The following SSBP4 variants were observed in gnomAD, a reference collection of about 807,000 sequenced individuals.
SSBP4 encodes single stranded DNA binding protein 4, also known as single-stranded DNA-binding protein 4.
Under a neutral mutation model 64.6 loss-of-function variants are expected in SSBP4, and 33 were observed. The observed-to-expected ratio is 0.51, with a 90% confidence interval of 0.39 to 0.68. The LOEUF (loss-of-function observed/expected upper bound fraction) is 0.68, where lower values mean the gene tolerates loss of function less well. Among genes scored for constraint, SSBP4 ranks in the 30% least tolerant of loss-of-function variants. The pLI, the probability that SSBP4 is intolerant of heterozygous loss-of-function variation, is 0.00. For missense variants in SSBP4, 583 were observed against 566.8 expected, an observed-to-expected ratio of 1.03 and a Z score of -0.29; for synonymous variants, 243 against 224.0, an observed-to-expected ratio of 1.08 and a Z score of -0.76.
At chr19:18,419,789 T>G in intron 1 of SSBP4, 82 bp downstream of exon 1, 1 of 998,672 alleles carries the variant, frequency 1.0e-6, no homozygotes, top group East Asian at 6.1e-5. Context: ...GCGGGGCACG[T>G]GGGCGCGGGC....
chr19:18,433,796 GC>G lies in SSBP4; in HGVS notation c.1108del (p.His370ThrfsTer12). Reference protein sequence around the residue: ...GEMAAAGTFLHPFPSESYSPG... With the variant: ...GEMAAAGTFLXPFPSESYSPG... ...AGATGGCGGCCGCCGGGACCTTCCT[GC>G]ACCCGTTCCCGAGCGAAAGCGTAAG... On this transcript the variant is annotated frameshift_variant, in exon 17 of 18. Coordinates refer to ENST00000270061, the MANE Select transcript of SSBP4 (RefSeq NM_032627.5). LOFTEE classifies it high-confidence loss of function. The G allele has an allele frequency of 2.1e-6, 3 of 1,425,348 alleles. No homozygotes were observed. The highest frequency in any genetic ancestry group is 2.7e-5 in the Admixed American group (1 of 36,774). The allele number at this position is 1,425,348 out of a possible 1,614,324, so 88.3% of individuals were successfully genotyped here. A position where few individuals can be genotyped will look rare whatever the true frequency, so the allele number is the denominator to read the frequency against.
At chr19:18,431,020 AG>A in intron 5 of SSBP4, 90 bp downstream of exon 5, 1 of 1,444,398 alleles carries the variant, frequency 6.9e-7, no homozygotes, top group South Asian at 1.2e-5. Flanking sequence ...AGAGGTCATG[AG>A]GCCGGCAGGC....
intron 4 of SSBP4, 117 bp from the exon 5 acceptor site, chr19:18,430,724 C>A: frequency 2.4e-6 from 2 of 844,882 alleles, no homozygotes; most frequent in Non-Finnish European, 3.6e-6. Flanking sequence ...TGCTCACTGA[C>A]CAATGCCAGC....
intron 1 of SSBP4, among the ~76,000 whole-genome samples, chr19:18,422,236 T>C (rs1164436392): frequency 6.6e-6 from 1 of 152,136 alleles, no homozygotes; most frequent in Non-Finnish European, 1.5e-5. Flanking sequence ...AGAGATTTCA[T>C]AGGTTTGAGC....
At chr19:18,413,180 G>GTGTTTTTT in the SSBP4 span, among the ~76,000 whole-genome samples, 1 of 144,106 alleles carries the variant, frequency 6.9e-6, no homozygotes. Context: ...CGGAGTTTTG[G>GTGTTTTTT]TCTTATTGTG....
chr19:18,433,107 G>A, intron 14 of SSBP4, 28 bp from the exon 15 acceptor site: 1 of 1,612,648 alleles, frequency 6.2e-7, no homozygotes, highest in East Asian at 2.2e-5. Context: ...TGGGTGGCCC[G>A]AGTCCCACGC....
chr19:18,409,371 A>G, the SSBP4 span, among the ~76,000 whole-genome samples: 1 of 152,036 alleles, frequency 6.6e-6, no homozygotes, highest in Non-Finnish European at 1.5e-5. Flanking sequence ...TGATTTTGGT[A>G]CAGATACGGC....
the SSBP4 span, among the ~76,000 whole-genome samples, chr19:18,410,025 G>A: frequency 1.3e-5 from 2 of 152,148 alleles, no homozygotes; most frequent in South Asian, 2.1e-4. Context: ...ACGGAGTCTC[G>A]CTCTGTCGCC....
chr19:18,404,600 A>G, the SSBP4 span, among the ~76,000 whole-genome samples: 1 of 149,264 alleles, frequency 6.7e-6, no homozygotes, highest in South Asian at 2.1e-4. Flanking sequence ...TCTCAAAAAA[A>G]AAAAAAAAAA....
rs762554294 is a variant in SSBP4 at position 18,433,647 on chromosome 19, C to T, written c.1020+34C>T. The T allele has an allele frequency of 3.9e-3, 1,570 of 400,036 alleles. 1 individual carries two copies. Among genetic ancestry groups the T allele is most frequent in the Non-Finnish European group, 4.5e-3 (1,492 of 328,304 alleles). 24.8% of individuals were successfully genotyped at this position (400,036 alleles called of 1,614,324 possible). A position where few individuals can be genotyped will look rare whatever the true frequency, so the allele number is the denominator to read the frequency against. On this transcript the variant is annotated intron_variant, in intron 16 of 17. Coordinates refer to ENST00000270061, the MANE Select transcript of SSBP4 (RefSeq NM_032627.5). ...GCTGCGCTCTTGCCGGGGGTGGGATCCGGGGGGGGTGGCGGGGAGGGGGCG... is the reference window on the plus strand; with the variant it reads ...GCTGCGCTCTTGCCGGGGGTGGGATTCGGGGGGGGTGGCGGGGAGGGGGCG...
In SSBP4 at chr19:18,434,377, C is replaced by T. The variant is rs1973836337; in HGVS notation, c.*131C>T. Reference sequence around the variant, plus strand: ...ATCAAGGCTTGCCCAGCTGGGAGGCCCCACACGAAAGACTCTTACCATTTT... The same window carrying T: ...ATCAAGGCTTGCCCAGCTGGGAGGCTCCACACGAAAGACTCTTACCATTTT... On this transcript the variant is annotated 3_prime_UTR_variant, in exon 18 of 18. Coordinates refer to ENST00000270061, the MANE Select transcript of SSBP4 (RefSeq NM_032627.5). The T allele has an allele frequency of 2.1e-6, 3 of 1,452,520 alleles. No homozygotes were observed. The highest frequency in any genetic ancestry group is 4.2e-4 in the Middle Eastern group (2 of 4,764). The allele number at this position is 1,452,520 out of a possible 1,614,324, so 90.0% of individuals were successfully genotyped here.
upstream of SSBP4, among the ~76,000 whole-genome samples, chr19:18,415,773 T>G (rs1360577962): frequency 6.6e-6 from 1 of 152,070 alleles, no homozygotes; most frequent in Non-Finnish European, 1.5e-5. Context: ...GGATCCAGGG[T>G]GAGGGTACAG....
intron 4 of SSBP4, among the ~76,000 whole-genome samples, chr19:18,429,745 C>T (rs1380604454): frequency 6.6e-6 from 1 of 151,990 alleles, no homozygotes; most frequent in South Asian, 2.1e-4. Flanking sequence ...CGAGGGCTTT[C>T]GAAGGATTTG....
In SSBP4 at chr19:18,430,871, G is replaced by A; in HGVS notation, c.310G>A (p.Gly104Arg). 1 of 1,613,336 alleles carries A rather than the reference G, an allele frequency of 6.2e-7. No homozygotes were observed. The highest frequency in any genetic ancestry group is 8.5e-7 in the Non-Finnish European group (1 of 1,179,870). ...TGCAGCCGCCCCCAGCCCCGTTATG[G>A]GGAGTATGGCCCCAGGTGACACAAT... is the stretch of plus-strand genomic sequence containing the variant. ...SAAAAPSPVM[G>R]SMAPGDTMAA... Residue 104 changes from glycine to arginine, a missense_variant, in exon 5 of 18, where the codon GGG becomes AGG. Gly to Arg is a moderately radical substitution (Grantham distance 125). This residue lies in a region of SSBP4 where 444 missense variants were observed against 386.6 expected (regional missense o/e 1.15). Transcript: ENST00000270061.
chr19:18,410,021 T>C, the SSBP4 span, among the ~76,000 whole-genome samples: 5 of 151,798 alleles, frequency 3.3e-5, no homozygotes, highest in African/African-American at 1.2e-4. Context: ...GGAGACGGAG[T>C]CTCGCTCTGT....
the SSBP4 span, among the ~76,000 whole-genome samples, chr19:18,412,460 CAAAAAAAAAA>C: frequency 1.3e-5 from 1 of 74,412 alleles, no homozygotes; most frequent in East Asian, 4.5e-4. Context: ...GACTCCATCT[CAAAAAAAAAA>C]AAAAAAAAAA....
In SSBP4 at chr19:18,434,158, C is replaced by T; in HGVS notation, c.1129-59C>T. 3.1e-6 allele frequency: 5 copies of T among 1,606,930 alleles called. No individual in the cohort carries two copies. In the Admixed American group the frequency reaches 6.7e-5, roughly 22 times the overall value. On this transcript the variant is annotated intron_variant, in intron 17 of 17. Coordinates refer to ENST00000270061, the MANE Select transcript of SSBP4 (RefSeq NM_032627.5). Reference sequence around the variant, plus strand: ...TCCCCCATTGTCCCTGGGGGCGGGTCCCAGCCTCTTCCGGAGCTGAACTCG... The same window carrying T: ...TCCCCCATTGTCCCTGGGGGCGGGTTCCAGCCTCTTCCGGAGCTGAACTCG...
Position 18,432,546 on chromosome 19 carries a change from C to T in SSBP4, c.705-13C>T, listed in dbSNP as rs756645670. 21 of 1,548,678 alleles carry T rather than the reference C, an allele frequency of 1.4e-5. No individual in the cohort carries two copies. The highest frequency in any genetic ancestry group is 2.4e-5 in the South Asian group (2 of 84,460). On this transcript the variant is annotated splice_polypyrimidine_tract_variant and intron_variant, in intron 10 of 17. Coordinates refer to ENST00000270061, the MANE Select transcript of SSBP4 (RefSeq NM_032627.5). Reference sequence around the variant, plus strand: ...GACTAGCCCCAGAGTCTGTCATCCGCGGTCTCTTCCAGGGGCCCAGGAGTT... The same window carrying T: ...GACTAGCCCCAGAGTCTGTCATCCGTGGTCTCTTCCAGGGGCCCAGGAGTT...
At position 18,433,151 on chromosome 19, in the gene SSBP4, G is replaced by T. The variant is rs1296174772; in HGVS notation, c.929G>T (p.Gly310Val). 1 of 1,600,832 alleles carries T rather than the reference G, an allele frequency of 6.2e-7. No individual in the cohort carries two copies. Among genetic ancestry groups the T allele is most frequent in the Non-Finnish European group, 8.5e-7 (1 of 1,174,558 alleles). ...AGRANFPLGPGPEGPMAAMSA... is the reference protein window; with the variant it reads ...AGRANFPLGPVPEGPMAAMSA... ...TGCCCGCAGTTCCCGCTCGGCCCTG[G>T]CCCGGAGGGCCCCATGGCCGCCATG... is the stretch of plus-strand genomic sequence containing the variant. Residue 310 changes from glycine to valine, a missense_variant, in exon 15 of 18, where the codon GGC becomes GTC. By Grantham distance (109) the Gly-to-Val change is moderately radical (BLOSUM62 -3). This residue lies in a region of SSBP4 where 444 missense variants were observed against 386.6 expected (regional missense o/e 1.15). Transcript: ENST00000270061.
Sources: allele counts gnomAD v4.1 joint callset (sites outside exome capture counted in the v4.1 genomes callset), GRCh38; gene constraint gnomAD v4.1.1; regional missense constraint gnomAD v4.1.1; transcripts MANE v1.5; gene names NCBI Gene and HGNC (gene_info 2026-07-23, HGNC 2026-07-21).